Variants in TPRG1 observed in about 807,000 individuals in gnomAD.
TPRG1 encodes the protein tumor protein p63 regulated 1, also known as tumor protein p63-regulated gene 1 protein.
In TPRG1, 29 loss-of-function variants were observed where a neutral mutation model predicts 29.3. That is an observed-to-expected ratio of 0.99 (90% confidence interval 0.74 to 1.35). The LOEUF is 1.35. Among genes scored for constraint, TPRG1 ranks in the 40% most tolerant of loss-of-function variants. The pLI is 0.00. For missense variants in TPRG1, 327 were observed against 335.0 expected (o/e 0.98, Z 0.19); for synonymous variants, 130 against 116.8 (o/e 1.11, Z -0.73).
chr3:189,270,435 T>C (rs1196528755), intron 4 of TPRG1, among the ~76,000 whole-genome samples: 1 of 152,224 alleles, frequency 6.6e-6, no homozygotes, highest in African/African-American at 2.4e-5. Flanking sequence ...GCAGAAGTGC[T>C]CCAGTGGTAG....
At chr3:189,171,920 A>G (rs887332741), upstream of TPRG1, 1 of 152,196 alleles carries the variant, frequency 6.6e-6, no homozygotes, top group Non-Finnish European at 1.5e-5. Flanking sequence ...CCCTGTAAAC[A>G]TCCTCAGTCC....
intron 4 of TPRG1, among the ~76,000 whole-genome samples, chr3:189,059,067 T>C (rs1023863764): frequency 2.0e-5 from 3 of 152,172 alleles, no homozygotes; most frequent in African/African-American, 7.2e-5. Context: ...GCTCCGTTGC[T>C]TGCTAGTTCT....
chr3:189,021,102 T>C (rs1713279908), intron 3 of TPRG1, among the ~76,000 whole-genome samples: 3 of 143,428 alleles, frequency 2.1e-5, no homozygotes, highest in Admixed American at 7.1e-5. Flanking sequence ...TCCTCCATCC[T>C]TTTATTTTGA....
intron 4 of TPRG1, among the ~76,000 whole-genome samples, chr3:189,082,002 G>A (rs1463750390): frequency 6.6e-6 from 1 of 152,174 alleles, no homozygotes. Context: ...GGGGTTATTT[G>A]ATAATAAGCC....
chr3:189,135,888 A>G (rs1723691311), intron 3 of TPRG1, among the ~76,000 whole-genome samples: 2 of 152,116 alleles, frequency 1.3e-5, no homozygotes, highest in African/African-American at 2.4e-5. Flanking sequence ...AATCCTACGC[A>G]TATTTCACAG....
intron 5 of TPRG1, among the ~76,000 whole-genome samples, chr3:189,153,546 T>A (rs1314855256): frequency 6.6e-6 from 1 of 151,554 alleles, no homozygotes; most frequent in African/African-American, 2.4e-5. Flanking sequence ...GGGTGAGGGG[T>A]GGTGTCACTC....
At chr3:189,074,079 T>G (rs1160259007) in intron 4 of TPRG1, among the ~76,000 whole-genome samples, 1 of 152,136 alleles carries the variant, frequency 6.6e-6, no homozygotes, top group Non-Finnish European at 1.5e-5. Flanking sequence ...GGCCTTTCTC[T>G]TTGTCCTTGA....
chr3:188,997,347 C>G (rs1292248535), intron 1 of TPRG1, among the ~76,000 whole-genome samples: 1 of 152,166 alleles, frequency 6.6e-6, no homozygotes, highest in Non-Finnish European at 1.5e-5. Context: ...CCCTGGGGCT[C>G]TCACTGTAAT....
At chr3:189,037,029 C>T (rs1251250402) in intron 4 of TPRG1, among the ~76,000 whole-genome samples, 1 of 4,534 alleles carries the variant, frequency 2.2e-4, no homozygotes, top group African/African-American at 9.0e-4. Context: ...TAAGTGACTT[C>T]TGAAAAAAAA....
intron 1 of TPRG1, 75 bp from the exon 2 acceptor site, chr3:189,207,301 T>C: frequency 6.5e-7 from 1 of 1,547,880 alleles, no homozygotes; most frequent in South Asian, 1.2e-5. Flanking sequence ...GCTCATCATA[T>C]TCTGTTTTGC....
chr3:189,073,674 C>A (rs1716942621), intron 4 of TPRG1, among the ~76,000 whole-genome samples: 1 of 152,116 alleles, frequency 6.6e-6, no homozygotes, highest in African/African-American at 2.4e-5. Context: ...AAACAATGTG[C>A]TCAGAAAAGT....
intron 3 of TPRG1, among the ~76,000 whole-genome samples, chr3:189,143,322 A>C (rs1039094201): frequency 6.6e-6 from 1 of 152,204 alleles, no homozygotes; most frequent in Admixed American, 6.5e-5. Context: ...AATGACATCT[A>C]TATGCTTCAA....
intron 4 of TPRG1, among the ~76,000 whole-genome samples, chr3:189,034,918 G>T (rs59544634): frequency 3.1e-4 from 47 of 151,916 alleles, no homozygotes; most frequent in African/African-American, 1.1e-3. Context: ...GTCATTTTCC[G>T]CAGAATTAGA....
At chr3:189,219,824 A>C in intron 3 of TPRG1, 1 of 916,352 alleles carries the variant, frequency 1.1e-6, no homozygotes, top group Non-Finnish European at 1.3e-6. Context: ...AAAAACCGGT[A>C]ATTCTTGTTC....
chr3:189,125,420 G>A (rs987605337), intron 1 of TPRG1, among the ~76,000 whole-genome samples: 1 of 152,216 alleles, frequency 6.6e-6, no homozygotes, highest in East Asian at 1.9e-4. Context: ...AAATGAAGGT[G>A]CTTATTATTT....
intron 4 of TPRG1, among the ~76,000 whole-genome samples, chr3:189,306,322 A>G (rs1721620675): frequency 6.6e-6 from 1 of 152,222 alleles, no homozygotes; most frequent in Non-Finnish European, 1.5e-5. Flanking sequence ...AGCTATCTGA[A>G]TGGAAGTTTT....
intron 5 of TPRG1, among the ~76,000 whole-genome samples, chr3:189,151,288 A>G (rs903454031): frequency 1.3e-5 from 2 of 152,150 alleles, no homozygotes; most frequent in Non-Finnish European, 2.9e-5. Flanking sequence ...ATACTGTATT[A>G]TTAGAAACTC....
chr3:189,236,947 T>A (rs1351813330), intron 3 of TPRG1, among the ~76,000 whole-genome samples: 2 of 152,198 alleles, frequency 1.3e-5, no homozygotes, highest in Non-Finnish European at 2.9e-5. Flanking sequence ...CTTCCAGCAA[T>A]AGTAACAGCT....
chr3:189,197,727 A>C lies in TPRG1; in HGVS notation c.-9-9649A>C, dbSNP rs574558685. Among the ~76,000 whole-genome samples, 392 of 152,320 alleles carry C rather than the reference A, an allele frequency of 2.6e-3. 4 individuals are homozygous for C. Among genetic ancestry groups the C allele is most frequent in the African/African-American group, 9.0e-3 (376 of 41,570 alleles). ...TATTGGACAGGGCTGTGAAGGGGAG[A>C]ACCCAAGAGATCTGGATATGTAGAT... On this transcript the variant is annotated intron_variant, in intron 1 of 5. Transcript: ENST00000345063.
Sources: allele counts gnomAD v4.1 joint callset (sites outside exome capture counted in the v4.1 genomes callset), GRCh38; gene constraint gnomAD v4.1.1; transcripts MANE v1.5; gene names NCBI Gene and HGNC (gene_info 2026-07-23, HGNC 2026-07-21).